The following MICAL2 variants were observed in gnomAD, a reference collection of about 807,000 sequenced individuals.
The protein encoded by MICAL2 is [F-actin]-monooxygenase MICAL2.
Under a neutral mutation model 127.3 loss-of-function variants are expected in MICAL2, and 77 were observed. That is an observed-to-expected ratio of 0.60 (90% CI 0.50 to 0.73). The LOEUF is 0.73. Ranked by LOEUF, MICAL2 falls within the 30% of genes least tolerant of loss-of-function variation. The pLI is 0.00. For synonymous variants in MICAL2, 570 were observed against 551.1 expected (o/e 1.03, Z -0.48); for missense variants, 1,351 against 1,434.4 (o/e 0.94, Z 0.94).
At chr11:12,289,563 T>G (rs1199196222), downstream of MICAL2, among the ~76,000 whole-genome samples, 2 of 32,500 alleles carry the variant, frequency 6.2e-5, no homozygotes, top group Non-Finnish European at 2.5e-4. Flanking sequence ...CTTGTTTTTT[T>G]TTGTTTTTTT....
chr11:12,243,711 G>T (rs544429373), intron 20 of MICAL2, among the ~76,000 whole-genome samples: 1 of 152,358 alleles, frequency 6.6e-6, no homozygotes, highest in South Asian at 2.1e-4. Flanking sequence ...ATTGGCATCG[G>T]TGTCTGAGGC....
rs1860151406 is a variant in MICAL2, at chr11:12,242,736, C to T, written c.2622C>T (p.His874=). 2 of 1,611,432 alleles carry T rather than the reference C, an allele frequency of 1.2e-6. No individual in the cohort carries two copies. The highest frequency in any genetic ancestry group is 1.1e-5 in the South Asian group (1 of 90,656). ...HTKNIKEKAA[H]LASMFGHGDF... ...AGAACATTAAGGAGAAGGCGGCTCA[C>T]CTTGCCTCCATGTTTGGACACGGGG... Residue 874 remains histidine, a synonymous_variant, in exon 20 of 28, where the codon CAC becomes CAT. Transcript: ENST00000683283.
chr11:12,134,453 G>A lies in MICAL2; in HGVS notation c.-148-3937G>A, dbSNP rs185974278. Among the ~76,000 whole-genome samples, 566 of 152,302 alleles carry A rather than the reference G, an allele frequency of 3.7e-3. 1 individual carries two copies. Among genetic ancestry groups the A allele is most frequent in the Middle Eastern group, 6.8e-3 (2 of 294 alleles). ...CACAGGGCTGGGCTGCTCGCTGTTG[G>A]TTTCGGTAACTTCTTCTCCCAGGAA... On this transcript the variant is annotated intron_variant, in intron 1 of 27. Transcript: ENST00000683283.
downstream of MICAL2, among the ~76,000 whole-genome samples, chr11:12,296,574 ATG>A (rs1196521587): frequency 1.3e-5 from 2 of 149,304 alleles, no homozygotes; most frequent in Admixed American, 6.6e-5. Context: ...ACAAAATTTA[ATG>A]TGTTATGCAT....
chr11:12,169,211 T>TG (rs1855938345), intron 3 of MICAL2, among the ~76,000 whole-genome samples: 1 of 99,630 alleles, frequency 1.0e-5, no homozygotes. Context: ...ATTTTCTTAA[T>TG]GGGAAAAAAA....
intron 3 of MICAL2, among the ~76,000 whole-genome samples, chr11:12,191,117 G>A (rs1309918752): frequency 1.1e-4 from 16 of 152,184 alleles, no homozygotes; most frequent in Non-Finnish European, 2.9e-5. Flanking sequence ...CAAGGCCTCT[G>A]CTTTAGTGGA....
At chr11:12,301,980 A>G (rs1370144700) in intron 29 of MICAL2, among the ~76,000 whole-genome samples, 1 of 152,212 alleles carries the variant, frequency 6.6e-6, no homozygotes, top group Non-Finnish European at 1.5e-5. Flanking sequence ...AACAAGTGAC[A>G]GTGGTGCCTG....
chr11:12,268,424 C>T (rs1246410921), downstream of MICAL2, among the ~76,000 whole-genome samples: 1 of 152,244 alleles, frequency 6.6e-6, no homozygotes, highest in African/African-American at 2.4e-5. Context: ...GGCCCACACA[C>T]ATCCTCTGTC....
intron 2 of MICAL2, among the ~76,000 whole-genome samples, chr11:12,155,541 T>C (rs1184042239): frequency 1.3e-5 from 2 of 151,948 alleles, no homozygotes; most frequent in African/African-American, 4.8e-5. Flanking sequence ...TATATACACA[T>C]ATGCACACAC....
intron 1 of MICAL2, among the ~76,000 whole-genome samples, chr11:12,113,043 T>C (rs1382976390): frequency 1.3e-5 from 2 of 152,088 alleles, no homozygotes; most frequent in African/African-American, 4.8e-5. Context: ...GGACGGGACG[T>C]GGTAAGGGTA....
intron 25 of MICAL2, chr11:12,259,544 A>C: frequency 2.5e-6 from 1 of 404,404 alleles, no homozygotes; most frequent in Non-Finnish European, 4.4e-6. Flanking sequence ...TACTTGATGT[A>C]TATCATTAGG....
intron 1 of MICAL2, among the ~76,000 whole-genome samples, chr11:12,128,669 T>G (rs1172186400): frequency 6.6e-6 from 1 of 152,210 alleles, no homozygotes; most frequent in South Asian, 2.1e-4. Context: ...CTTTCTTCAA[T>G]GACTCAGCCC....
Position 12,204,305 on chromosome 11 carries a change from A to G in MICAL2, c.320A>G (p.Tyr107Cys), listed in dbSNP as rs1854395790. The G allele has an allele frequency of 1.9e-6, 3 of 1,614,012 alleles. No homozygotes were observed. Among genetic ancestry groups the G allele is most frequent in the Non-Finnish European group, 2.5e-6 (3 of 1,180,022 alleles). Residue 107 changes from tyrosine (Y) to cysteine (C), a missense_variant, in exon 4 of 28, where the codon TAC (tyrosine) becomes TGC (cysteine). Physicochemically the swap from Tyr to Cys is radical, Grantham distance 194 (BLOSUM62 -2). Coordinates refer to ENST00000683283, the MANE Select transcript of MICAL2 (RefSeq NM_001282663.2). ...TTGCGCACTGCCATTGAACTTGCCT[A>G]CCTGGGAGCCAAAGTGGTCGTGGTG... ...CGLRTAIELA[Y>C]LGAKVVVVEK... is the part of the protein sequence containing the mutation.
Position 12,163,236 on chromosome 11 carries a change from A to G in MICAL2, c.264+817A>G, listed in dbSNP as rs1041699669. On this transcript the variant is annotated intron_variant, in intron 3 of 27. Coordinates refer to ENST00000683283, the MANE Select transcript of MICAL2 (RefSeq NM_001282663.2). ...CTGAAATGCCCAGCACCAGATGGGC[A>G]GGTGGGAGTCCAGGCGTCTCAGCTG... Among the ~76,000 whole-genome samples, 3 of 152,212 alleles carry G rather than the reference A, an allele frequency of 2.0e-5. No homozygotes were observed. In the South Asian group the frequency reaches 6.2e-4, roughly 32 times the overall value.
downstream of MICAL2, chr11:12,293,560 G>T (rs747915641): frequency 1.9e-6 from 3 of 1,599,070 alleles, no homozygotes; most frequent in Admixed American, 1.7e-5. Flanking sequence ...ATCCCATCTA[G>T]ATGACAGCTT....
chr11:12,111,170 T>A (rs1849576443), intron 1 of MICAL2, among the ~76,000 whole-genome samples: 1 of 152,138 alleles, frequency 6.6e-6, no homozygotes. Flanking sequence ...CTGGGCGCCC[T>A]TTTCCCCCTC....
intron 34 of MICAL2, chr11:12,358,213 T>A: frequency 9.4e-6 from 13 of 1,379,806 alleles, no homozygotes; most frequent in Non-Finnish European, 1.2e-5. Flanking sequence ...AACAAGTCCA[T>A]AACAATCGAG....
intron 29 of MICAL2, among the ~76,000 whole-genome samples, chr11:12,300,275 C>A (rs759171984): frequency 1.3e-5 from 2 of 151,940 alleles, no homozygotes; most frequent in Non-Finnish European, 2.9e-5. Context: ...GCCTGGGCGA[C>A]AAGAGCAAAA....
At chr11:12,292,172 T>G, downstream of MICAL2, 1 of 1,614,092 alleles carries the variant, frequency 6.2e-7, no homozygotes, top group East Asian at 2.2e-5. Context: ...AAGAACTATG[T>G]CACCTCCTAA....
Sources: allele counts gnomAD v4.1 joint callset (sites outside exome capture counted in the v4.1 genomes callset), GRCh38; gene constraint gnomAD v4.1.1; transcripts MANE v1.5; gene names NCBI Gene and HGNC (gene_info 2026-07-23, HGNC 2026-07-21).